The following FRMD4A variants were observed in gnomAD, a reference collection of about 807,000 sequenced individuals.
FRMD4A encodes the protein FERM domain-containing protein 4A.
FRMD4A carries 29 observed loss-of-function variants against 129.1 expected under a neutral mutation model. That is an observed-to-expected ratio of 0.22 (90% confidence interval 0.17 to 0.31). The LOEUF is 0.31. Among genes scored for constraint, FRMD4A ranks in the 10% least tolerant of loss-of-function variants. The probability of loss-of-function intolerance (pLI) is 1.00; values close to 1 mark genes in which losing one functional copy is unlikely to be tolerated. For synonymous variants in FRMD4A, 634 were observed against 571.6 expected, an observed-to-expected ratio of 1.11 and a Z score of -1.56; for missense variants, 1,272 against 1,375.8, an observed-to-expected ratio of 0.92 and a Z score of 1.19.
intron 12 of FRMD4A, among the ~76,000 whole-genome samples, chr10:13,713,005 A>T (rs1443754610): frequency 6.6e-6 from 1 of 152,164 alleles, no homozygotes; most frequent in Non-Finnish European, 1.5e-5. Context: ...CTGCATGTGG[A>T]GTGGTGGGCA....
chr10:14,066,008 T>TTGTGTGTGTG (rs61167438), intron 2 of FRMD4A, among the ~76,000 whole-genome samples: 13,516 of 139,008 alleles, frequency 0.097, 828 homozygotes, highest in East Asian at 0.12. Flanking sequence ...GGGTATGTAT[T>TTGTGTGTGTG]TGTGTGTGTG....
At chr10:14,267,888 T>C (rs1463475513) in intron 2 of FRMD4A, among the ~76,000 whole-genome samples, 2 of 152,210 alleles carry the variant, frequency 1.3e-5, no homozygotes, top group Non-Finnish European at 1.5e-5. Context: ...CATTCTAGAA[T>C]CTAAATCACT....
intron 2 of FRMD4A, among the ~76,000 whole-genome samples, chr10:14,249,120 G>A (rs1844343988): frequency 6.6e-6 from 1 of 152,184 alleles, no homozygotes; most frequent in African/African-American, 2.4e-5. Context: ...GGAGGCTGAG[G>A]CGGCTGGATC....
At chr10:14,315,670 T>A (rs758874163) in intron 2 of FRMD4A, among the ~76,000 whole-genome samples, 1 of 152,232 alleles carries the variant, frequency 6.6e-6, no homozygotes, top group Admixed American at 6.5e-5. Flanking sequence ...CTTCTGATTT[T>A]TCCTCCATTT....
intron 2 of FRMD4A, among the ~76,000 whole-genome samples, chr10:14,021,802 C>T (rs1274547596): frequency 1.3e-5 from 2 of 152,022 alleles, no homozygotes; most frequent in East Asian, 3.9e-4. Flanking sequence ...CGATATCTTA[C>T]AATAACAAAT....
intron 2 of FRMD4A, among the ~76,000 whole-genome samples, chr10:14,094,544 C>T (rs1290179997): frequency 6.6e-6 from 1 of 152,082 alleles, no homozygotes; most frequent in Non-Finnish European, 1.5e-5. Flanking sequence ...CATGCTGTTC[C>T]TCCAACACCC....
chr10:13,898,158 A>C (rs1589209989), intron 2 of FRMD4A, among the ~76,000 whole-genome samples: 1 of 152,200 alleles, frequency 6.6e-6, no homozygotes, highest in South Asian at 2.1e-4. Flanking sequence ...GGATCACCTG[A>C]GGTCAGGAGT....
chr10:14,071,606 G>C (rs1406612096), intron 2 of FRMD4A, among the ~76,000 whole-genome samples: 1 of 152,150 alleles, frequency 6.6e-6, no homozygotes, highest in Non-Finnish European at 1.5e-5. Context: ...AGGAGATAAA[G>C]AGGTGGAGAT....
intron 2 of FRMD4A, among the ~76,000 whole-genome samples, chr10:14,226,866 G>A (rs76992977): frequency 6.4e-4 from 98 of 152,098 alleles, no homozygotes; most frequent in African/African-American, 1.9e-3. Flanking sequence ...CCTGCTCCCC[G>A]CTGCCTTCCA....
At chr10:14,197,233 C>T (rs751417606) in intron 2 of FRMD4A, among the ~76,000 whole-genome samples, 23 of 152,012 alleles carry the variant, frequency 1.5e-4, no homozygotes, top group Admixed American at 6.5e-5. Context: ...ACAGGCAAAT[C>T]GGGACCCCAT....
At chr10:13,865,367 G>T (rs1268632615) in intron 2 of FRMD4A, among the ~76,000 whole-genome samples, 4 of 151,482 alleles carry the variant, frequency 2.6e-5, no homozygotes, top group Admixed American at 2.6e-4. Flanking sequence ...AGGACAGGAG[G>T]TAGATACTAT....
At chr10:14,241,756 G>A (rs1844057326) in intron 2 of FRMD4A, among the ~76,000 whole-genome samples, 1 of 130,180 alleles carries the variant, frequency 7.7e-6, no homozygotes, top group Non-Finnish European at 1.6e-5. Context: ...GTGTTGCCAG[G>A]AACAGACATT....
chr10:13,784,840 A>T (rs947253885), intron 5 of FRMD4A, among the ~76,000 whole-genome samples: 4 of 152,098 alleles, frequency 2.6e-5, no homozygotes, highest in African/African-American at 9.6e-5. Context: ...AAAATACAAA[A>T]ATTAGCCAGG....
intron 2 of FRMD4A, among the ~76,000 whole-genome samples, chr10:14,325,141 A>T (rs1843221171): frequency 6.6e-6 from 1 of 152,218 alleles, no homozygotes; most frequent in South Asian, 2.1e-4. Context: ...TATTAATGTA[A>T]GAGCAAGAGT....
intron 2 of FRMD4A, among the ~76,000 whole-genome samples, chr10:14,073,808 A>C (rs1835430055): frequency 6.6e-6 from 1 of 152,082 alleles, no homozygotes; most frequent in South Asian, 2.1e-4. Context: ...AAATTGGGTC[A>C]CCAAAAGTTC....
At chr10:14,143,259 CA>C (rs1170251549) in intron 2 of FRMD4A, among the ~76,000 whole-genome samples, 1 of 152,118 alleles carries the variant, frequency 6.6e-6, no homozygotes, top group Non-Finnish European at 1.5e-5. Flanking sequence ...AACGAATAAA[CA>C]AAACATGGTA....
At chr10:14,163,138 T>G (rs1160629061) in intron 2 of FRMD4A, among the ~76,000 whole-genome samples, 1 of 152,206 alleles carries the variant, frequency 6.6e-6, no homozygotes, top group African/African-American at 2.4e-5. Context: ...AAAACCCCGA[T>G]GAAGTAAGAC....
At chr10:13,814,099 T>C (rs12761607) in intron 3 of FRMD4A, among the ~76,000 whole-genome samples, 54,189 of 151,806 alleles carry the variant, frequency 0.36, 9,925 homozygotes, top group Middle Eastern at 0.45. Flanking sequence ...ATTTTTTTTT[T>C]CAAATGCCAA....
intron 2 of FRMD4A, among the ~76,000 whole-genome samples, chr10:14,235,009 T>G (rs1310503681): frequency 5.3e-5 from 8 of 152,174 alleles, no homozygotes. Context: ...TCTTATTTGT[T>G]GCTATATAGG....
Sources: gnomAD v4.1 joint callset for allele counts (sites outside exome capture counted in the v4.1 genomes callset) on GRCh38, gnomAD v4.1.1 for gene constraint, MANE v1.5 for transcripts, NCBI Gene and HGNC (gene_info 2026-07-23, HGNC 2026-07-21) for gene names.